The following BTN2A1 variants were observed in gnomAD, a reference collection of about 807,000 sequenced individuals.
BTN2A1 encodes the protein butyrophilin, subfamily 2, member A1.
Under a neutral mutation model 34.5 loss-of-function variants are expected in BTN2A1, and 41 were observed. The observed-to-expected ratio is 1.19, with a 90% confidence interval of 0.93 to 1.54. BTN2A1 has a LOEUF of 1.54. BTN2A1 is among the 40% of genes most tolerant of loss of function. The pLI, the probability that BTN2A1 is intolerant of heterozygous loss-of-function variation, is 0.00. For missense variants in BTN2A1, 642 were observed against 662.0 expected (o/e 0.97, Z 0.33); for synonymous variants, 267 against 258.6 (o/e 1.03, Z -0.31).
downstream of BTN2A1, among the ~76,000 whole-genome samples, chr6:26,471,667 G>A (rs111758640): frequency 8.2e-6 from 1 of 121,216 alleles, no homozygotes; most frequent in African/African-American, 6.3e-5. Flanking sequence ...GGAAGGAAAG[G>A]AAGGAAGGAA....
chr6:26,466,107 C>T lies in BTN2A1; in HGVS notation c.982+19C>T. 1.2e-6 allele frequency: 2 copies of T among 1,613,164 alleles called. No homozygotes were observed. Among genetic ancestry groups the T allele is most frequent in the Non-Finnish European group, 1.7e-6 (2 of 1,180,010 alleles). ...CATGCTGGTGAGTGCCTCTGATGTT[C>T]CCTCAGATCTCAGCTTTCTCCACAC... On this transcript the variant is annotated intron_variant, in intron 7 of 7. Transcript: ENST00000312541.
chr6:26,458,694 C>T lies in BTN2A1; in HGVS notation c.58C>T (p.Leu20Phe). Reference protein sequence around the residue: ...SRPASLLLLLLSLCALVSAQF... With the variant: ...SRPASLLLLLFSLCALVSAQF... ...GCCAGCCTCCCTCCTCCTCCTCCTC[C>T]TCAGCCTGTGTGCACTGGTCTCAGG... Residue 20 changes from leucine (L) to phenylalanine (F), a missense_variant, in exon 2 of 8, where the codon CTC becomes TTC. Leu to Phe is a conservative substitution (Grantham distance 22). Coordinates refer to ENST00000312541, the MANE Select transcript of BTN2A1 (RefSeq NM_007049.5). 6.2e-7 allele frequency: 1 copy of T among 1,614,148 alleles called. No homozygotes were observed. Among genetic ancestry groups the T allele is most frequent in the Non-Finnish European group, 8.5e-7 (1 of 1,179,986 alleles).
intron 4 of BTN2A1, among the ~76,000 whole-genome samples, chr6:26,463,754 G>T (rs1204787995): frequency 1.4e-5 from 2 of 142,642 alleles, no homozygotes; most frequent in Non-Finnish European, 3.0e-5. Context: ...TGTTTTTGTT[G>T]TTGTTGTTGT....
rs1763362394 is a variant in BTN2A1, at chr6:26,467,984, A to G, written c.1019A>G (p.Asp340Gly). ...CTGGATCCAGACACCGCTCATCCCGATCTCTTCCTGTCAGAGGACCGGAGA... is the reference window on the plus strand; with the variant it reads ...CTGGATCCAGACACCGCTCATCCCGGTCTCTTCCTGTCAGAGGACCGGAGA... The part of the protein sequence containing the change: ...VVLDPDTAHP[D>G]LFLSEDRRSV... Residue 340 changes from aspartate to glycine, a missense_variant, in exon 8 of 8, where the codon GAT (aspartate) becomes GGT (glycine). Asp to Gly is a moderately conservative substitution (Grantham distance 94). Transcript: ENST00000312541. 1 of 1,613,966 alleles carries G rather than the reference A, an allele frequency of 6.2e-7. No individual in the cohort carries two copies.
At chr6:26,465,994 A>T in intron 6 of BTN2A1, 21 bp downstream of exon 6, 1 of 1,614,186 alleles carries the variant, frequency 6.2e-7, no homozygotes, top group Non-Finnish European at 8.5e-7. Flanking sequence ...CCTTTCCTTA[A>T]CTACATGTAC....
At chr6:26,462,983 T>C (rs1763205039) in intron 3 of BTN2A1, 1 of 1,107,698 alleles carries the variant, frequency 9.0e-7, no homozygotes, top group Admixed American at 2.8e-5. Flanking sequence ...GGCCTATAGG[T>C]GGACCGCAAA....
chr6:26,463,188 A>G lies in BTN2A1; in HGVS notation c.431-56A>G. On this transcript the variant is annotated intron_variant, in intron 3 of 7. Transcript: ENST00000312541. ...GCTTCACAGAAGAGATGCAATAGGC[A>G]CAGAAGAGATGCAAAAGGCACTGAC... 6 of 1,513,134 alleles carry G rather than the reference A, an allele frequency of 4.0e-6. 1 individual carries two copies. In the South Asian group the frequency reaches 7.9e-5, roughly 20 times the overall value. The allele number at this position is 1,513,134 out of a possible 1,614,324, so 93.7% of individuals were successfully genotyped here.
At position 26,459,781 on chromosome 6, in the gene BTN2A1, A is replaced by G. The variant is rs1004225593; in HGVS notation, c.383A>G (p.Gln128Arg). 4 of 1,614,142 alleles carry G rather than the reference A, an allele frequency of 2.5e-6. No homozygotes were observed. The highest frequency in any genetic ancestry group is 3.3e-5 in the Admixed American group (2 of 60,020). Residue 128 changes from glutamine to arginine, a missense_variant, in exon 3 of 8, where the codon CAA (glutamine) becomes CGA (arginine). Transcript: ENST00000312541. Reference protein sequence around the residue: ...QENGTYRCYFQEGRSYDEAIL... With the variant: ...QENGTYRCYFREGRSYDEAIL... ...AACGGCACCTACCGCTGTTACTTCCAAGAAGGCAGGTCCTACGATGAGGCC... is the reference window on the plus strand; with the variant it reads ...AACGGCACCTACCGCTGTTACTTCCGAGAAGGCAGGTCCTACGATGAGGCC...
rs1408076736 is a variant in BTN2A1, at chr6:26,468,556, T to A, written c.*7T>A. 1 of 1,614,044 alleles carries A rather than the reference T, an allele frequency of 6.2e-7. No homozygotes were observed. Among genetic ancestry groups the A allele is most frequent in the Non-Finnish European group, 8.5e-7 (1 of 1,180,010 alleles). On this transcript the variant is annotated 3_prime_UTR_variant, in exon 8 of 8. Transcript: ENST00000312541. ...GACCCACCAGAGCCTATAGAATCAA[T>A]TCCTTGGTCTCACAGCCATGTAGAC...
At chr6:26,475,445 G>A (rs565691621) in intron 7 of BTN2A1, among the ~76,000 whole-genome samples, 4 of 152,224 alleles carry the variant, frequency 2.6e-5, no homozygotes, top group African/African-American at 7.2e-5. Flanking sequence ...TTAGTGCATG[G>A]GTCCCCAAGT....
chr6:26,465,309 G>C lies in BTN2A1; in HGVS notation c.837G>C (p.Leu279=), dbSNP rs376460941. 4.3e-6 allele frequency: 7 copies of C among 1,614,034 alleles called. No homozygotes were observed. In the African/African-American group the frequency reaches 8.0e-5, roughly 18 times the overall value. The change falls in exon 5 of 8, where the codon CTG becomes CTC. Residue 279 remains leucine, a synonymous_variant. Coordinates refer to ENST00000312541, the MANE Select transcript of BTN2A1 (RefSeq NM_007049.5). The part of the protein sequence containing the change: ...INKLQKEKKI[L]SGEKEFERET... Reference sequence around the variant, plus strand: ...AACTCCAAAAGGAAAAAAAGATTCTGTCAGGGGAAAAGGAGTTTGAACGGG... The same window carrying C: ...AACTCCAAAAGGAAAAAAAGATTCTCTCAGGGGAAAAGGAGTTTGAACGGG...
rs1304073956 is a variant in BTN2A1, at chr6:26,465,886, T to C, written c.935-67T>C. 5.0e-6 allele frequency: 8 copies of C among 1,611,504 alleles called. No homozygotes were observed. In the African/African-American group the frequency reaches 9.4e-5, roughly 19 times the overall value. On this transcript the variant is annotated intron_variant, in intron 5 of 7. Coordinates refer to ENST00000312541, the MANE Select transcript of BTN2A1 (RefSeq NM_007049.5). The stretch of plus-strand genomic sequence containing the variant: ...CATAGAAAGGACGGTTCCTGCATTG[T>C]TTACTAAAAACCCAACTTCTTTTAG...
At position 26,468,755 on chromosome 6, in the gene BTN2A1, G is replaced by A; in HGVS notation, c.*206G>A. 6.2e-7 allele frequency: 1 copy of A among 1,608,956 alleles called. No individual in the cohort carries two copies. Among genetic ancestry groups the A allele is most frequent in the Non-Finnish European group, 8.5e-7 (1 of 1,177,362 alleles). On this transcript the variant is annotated 3_prime_UTR_variant, in exon 8 of 8. Transcript: ENST00000312541. The stretch of plus-strand genomic sequence containing the variant: ...TGTGTTTTTAGTAGTTCCTTTGCTT[G>A]TAACTATGGGATGGGATCCAGGCAT...
At chr6:26,460,102 A>G (rs946336979) in intron 3 of BTN2A1, among the ~76,000 whole-genome samples, 2 of 152,122 alleles carry the variant, frequency 1.3e-5, no homozygotes, top group Non-Finnish European at 2.9e-5. Context: ...CAGTCTCGGA[A>G]GAGAAGTCTT....
In BTN2A1 at chr6:26,469,154, CCTGGG is replaced by C. The variant is rs1392896637; in HGVS notation, c.*606_*610del. 2 of 1,067,800 alleles carry C rather than the reference CCTGGG, an allele frequency of 1.9e-6. No individual in the cohort carries two copies. The highest frequency in any genetic ancestry group is 2.3e-6 in the Non-Finnish European group (2 of 879,360). 66.1% of individuals were successfully genotyped at this position (1,067,800 alleles called of 1,614,324 possible). On this transcript the variant is annotated 3_prime_UTR_variant, in exon 8 of 8. Transcript: ENST00000312541. ...CAGAGCGCACATCCACAGGCCTGGA[CCTGGG>C]ATGAAGATGAATGAAGAACATGGAT...
chr6:26,465,567 C>T (rs576008474), intron 5 of BTN2A1, among the ~76,000 whole-genome samples, 161 bp downstream of exon 5: 2 of 152,056 alleles, frequency 1.3e-5, no homozygotes, highest in African/African-American at 4.8e-5. Context: ...AGTAGAAGGA[C>T]AGTTCACCAC....
chr6:26,463,994 A>G (rs1258603941), intron 4 of BTN2A1, among the ~76,000 whole-genome samples: 1 of 151,876 alleles, frequency 6.6e-6, no homozygotes, highest in Non-Finnish European at 1.5e-5. Context: ...AGAGATGGGG[A>G]TTTCACCTTG....
downstream of BTN2A1, among the ~76,000 whole-genome samples, chr6:26,474,540 T>C (rs1763505933): frequency 6.6e-6 from 1 of 151,992 alleles, no homozygotes; most frequent in African/African-American, 2.4e-5. Flanking sequence ...GTGGGGAAAA[T>C]TGCTTAGAGC....
At position 26,459,708 on chromosome 6, in the gene BTN2A1, A is replaced by G. The variant is rs1483598120; in HGVS notation, c.310A>G (p.Ser104Gly). 4 of 1,614,080 alleles carry G rather than the reference A, an allele frequency of 2.5e-6. No individual in the cohort carries two copies. Among genetic ancestry groups the G allele is most frequent in the Non-Finnish European group, 3.4e-6 (4 of 1,180,036 alleles). The change falls in exon 3 of 8, where the codon AGC (serine) becomes GGC (glycine). Residue 104 changes from serine (S) to glycine (G), a missense_variant. Ser to Gly is a moderately conservative substitution (Grantham distance 56). Transcript: ENST00000312541. ...AACCACCTTTGTGAGCAAAGACATC[A>G]GCAGGGGCAGCGTGGCCCTGGTCAT... ...GRTTFVSKDI[S>G]RGSVALVIHN...
Sources: allele counts gnomAD v4.1 joint callset (sites outside exome capture counted in the v4.1 genomes callset), GRCh38; gene constraint gnomAD v4.1.1; transcripts MANE v1.5; gene names NCBI Gene and HGNC (gene_info 2026-07-23, HGNC 2026-07-21).